BRD2: variants seen among roughly 807,000 people sequenced by gnomAD.
BRD2 encodes bromodomain-containing protein 2.
A neutral mutation model predicts 79.1 loss-of-function variants in BRD2; 15 were observed. That is an observed-to-expected ratio of 0.19 (90% CI 0.13 to 0.29). The LOEUF (loss-of-function observed/expected upper bound fraction) is 0.29. Among genes scored for constraint, BRD2 ranks in the 10% least tolerant of loss-of-function variants. The pLI is 1.00. For missense variants in BRD2, 1,053 were observed against 991.3 expected (o/e 1.06, Z -0.84); for synonymous variants, 488 against 358.6 (o/e 1.36, Z -4.08).
intron 12 of BRD2, 57 bp downstream of exon 12, chr6:32,980,521 C>T (rs1779387206): frequency 6.2e-7 from 1 of 1,612,362 alleles, no homozygotes; most frequent in Admixed American, 1.7e-5. Flanking sequence ...TCTTGACTGT[C>T]TTTTATTGAC....
rs755756621 is a variant in BRD2 at position 32,980,344 on chromosome 6, A to G, written c.2149A>G (p.Ile717Val). 13 of 1,612,816 alleles carry G rather than the reference A, an allele frequency of 8.1e-6. 1 individual carries two copies. The South Asian group carries it at 9.9e-5, about 12-fold the overall frequency. The change falls in exon 12 of 13, where the codon ATT becomes GTT. Residue 717 changes from isoleucine (I) to valine (V), a missense_variant and splice_region_variant. Ile to Val is a conservative substitution (Grantham distance 29). Transcript: ENST00000374825. Reference sequence around the variant, plus strand: ...TCCTGATAAATTTCTTTCATTAGCCATTAAGAAGCCTGTGGGAAAGACAAA... The same window carrying G: ...TCCTGATAAATTTCTTTCATTAGCCGTTAAGAAGCCTGTGGGAAAGACAAA... ...LRKKPRKPYT[I>V]KKPVGKTKEE... is the part of the protein sequence containing the mutation.
Position 32,972,423 on chromosome 6 carries a change from C to T in BRD2, c.-476C>T, listed in dbSNP as rs1252053878. ...CCGCCCAATCCTCGGAGTCTGTCCACCCCCTCTACTCCGCCCTCAAGAGGA... is the reference window on the plus strand; with the variant it reads ...CCGCCCAATCCTCGGAGTCTGTCCATCCCCTCTACTCCGCCCTCAAGAGGA... On this transcript the variant is annotated 5_prime_UTR_variant, in exon 2 of 13. Coordinates refer to ENST00000374825, the MANE Select transcript of BRD2 (RefSeq NM_005104.4). 4 of 302,278 alleles carry T rather than the reference C, an allele frequency of 1.3e-5. No homozygotes were observed. The highest frequency in any genetic ancestry group is 2.5e-5 in the Non-Finnish European group (4 of 157,734). 18.7% of individuals were successfully genotyped at this position (302,278 alleles called of 1,614,324 possible).
chr6:32,969,484 C>T, intron 1 of BRD2: 1 of 598,380 alleles, frequency 1.7e-6, no homozygotes, highest in East Asian at 2.8e-5. Flanking sequence ...TGAGGTTGTT[C>T]CCAGGCGCCA....
chr6:32,976,260 C>T lies in BRD2; in HGVS notation c.621C>T (p.Gly207=), dbSNP rs186277039. 735 of 1,612,916 alleles carry T rather than the reference C, an allele frequency of 4.6e-4. No individual in the cohort carries two copies. In the East Asian group the frequency reaches 0.015, roughly 32 times the overall value. Reference sequence around the variant, plus strand: ...TTTCCTTTTTTCTAGCGCTCCAGGGCAGTGTTACCAGTGCCCATCAGGTGC... The same window carrying T: ...TTTCCTTTTTTCTAGCGCTCCAGGGTAGTGTTACCAGTGCCCATCAGGTGC... ...KKGAKLAALQ[G]SVTSAHQVPA... is the part of the protein sequence containing the mutation. The change falls in exon 6 of 13, where the codon GGC becomes GGT. Residue 207 remains glycine, a synonymous_variant. Coordinates refer to ENST00000374825, the MANE Select transcript of BRD2 (RefSeq NM_005104.4).
intron 2 of BRD2, among the ~76,000 whole-genome samples, chr6:32,973,808 A>G (rs982423469): frequency 2.0e-5 from 3 of 151,750 alleles, no homozygotes; most frequent in Non-Finnish European, 2.9e-5. Context: ...GGTGCGAATA[A>G]TTTTGAGGGC....
In BRD2 at chr6:32,972,693, C is replaced by T; in HGVS notation, c.-206C>T. The T allele has an allele frequency of 2.9e-6, 2 of 687,918 alleles. No individual in the cohort carries two copies. The highest frequency in any genetic ancestry group is 3.7e-5 in the South Asian group (2 of 54,258). 42.6% of individuals were successfully genotyped at this position (687,918 alleles called of 1,614,324 possible). On this transcript the variant is annotated 5_prime_UTR_variant, in exon 2 of 13. Coordinates refer to ENST00000374825, the MANE Select transcript of BRD2 (RefSeq NM_005104.4). ...CCATTTTCTTGCTGTCCGCCGTCTG[C>T]AGAGCGCGCCAAGCTGCCCGGAGCT...
chr6:32,969,855 A>G (rs1216750062), intron 1 of BRD2, among the ~76,000 whole-genome samples: 4 of 152,136 alleles, frequency 2.6e-5, no homozygotes, highest in Non-Finnish European at 5.9e-5. Context: ...GGGTTTCTCC[A>G]GGGTGGCCTC....
intron 3 of BRD2, 73 bp from the exon 4 acceptor site, chr6:32,975,307 TGTGA>T (rs1554143975): frequency 7.6e-5 from 88 of 1,152,682 alleles, no homozygotes; most frequent in Non-Finnish European, 8.0e-5. Context: ...TGTGTGTGTG[TGTGA>T]GAGTCGGGGA....
chr6:32,972,743 C>T lies in BRD2; in HGVS notation c.-156C>T, dbSNP rs990819868. The T allele has an allele frequency of 6.9e-6, 8 of 1,161,628 alleles. No homozygotes were observed. The highest frequency in any genetic ancestry group is 1.0e-5 in the Non-Finnish European group (8 of 802,014). 72.0% of individuals were successfully genotyped at this position (1,161,628 alleles called of 1,614,324 possible). ...TCTCCGAGAGGCCCCAAAGAGACTGCTTTCGTGCCGGCCAGGCAGGGGGTT... is the reference window on the plus strand; with the variant it reads ...TCTCCGAGAGGCCCCAAAGAGACTGTTTTCGTGCCGGCCAGGCAGGGGGTT... On this transcript the variant is annotated 5_prime_UTR_variant, in exon 2 of 13. Transcript: ENST00000374825.
intron 2 of BRD2, 132 bp downstream of exon 2, chr6:32,973,059 G>A: frequency 6.3e-7 from 1 of 1,599,366 alleles, no homozygotes; most frequent in Non-Finnish European, 8.5e-7. Flanking sequence ...ACTCGGTCGC[G>A]CGGAGGGAAT....
Position 32,978,327 on chromosome 6 carries a change from G to A in BRD2, c.1780G>A (p.Gly594Arg), listed in dbSNP as rs774307368. The change falls in exon 10 of 13, where the codon GGG (glycine) becomes AGG (arginine). Residue 594 changes from glycine to arginine, a missense_variant. This residue lies in a region of BRD2 where 454 missense variants were observed against 430.5 expected (regional missense o/e 1.05). Coordinates refer to ENST00000374825, the MANE Select transcript of BRD2 (RefSeq NM_005104.4). ...PKKSKKASGS[G>R]GGSAALGPSG... is the part of the protein sequence containing the mutation. The stretch of plus-strand genomic sequence containing the variant: ...GAAGTCCAAGAAAGCAAGTGGCAGT[G>A]GGGGTGGCAGTGCTGCTTTAGGCCC... 5.0e-6 allele frequency: 8 copies of A among 1,613,006 alleles called. No individual in the cohort carries two copies. Among genetic ancestry groups the A allele is most frequent in the East Asian group, 2.2e-5 (1 of 44,884 alleles).
At chr6:32,975,309 T>TGTGAGA (rs151209418) in intron 3 of BRD2, 75 bp from the exon 4 acceptor site, 11 of 1,030,240 alleles carry the variant, frequency 1.1e-5, no homozygotes, top group Non-Finnish European at 1.4e-5. Context: ...TGTGTGTGTG[T>TGTGAGA]GAGAGTCGGG....
At chr6:32,969,784 C>A (rs1302869933) in intron 1 of BRD2, among the ~76,000 whole-genome samples, 1 of 152,154 alleles carries the variant, frequency 6.6e-6, no homozygotes, top group African/African-American at 2.4e-5. Flanking sequence ...GTCTAGACAG[C>A]ATGGTCTGAG....
In BRD2 at chr6:32,974,605, C is replaced by G. The variant is rs779835550; in HGVS notation, c.173C>G (p.Pro58Arg). Reference sequence around the variant, plus strand: ...TCGGTGCCTGCTTTGCAACTTACCCCTGCCAACCCACCACCCCCGGAGGTG... The same window carrying G: ...TCGGTGCCTGCTTTGCAACTTACCCGTGCCAACCCACCACCCCCGGAGGTG... ...MASVPALQLTPANPPPPEVSN... is the reference protein window; with the variant it reads ...MASVPALQLTRANPPPPEVSN... Residue 58 changes from proline (P) to arginine (R), a missense_variant, in exon 3 of 13, where the codon CCT becomes CGT. Pro to Arg is a moderately radical substitution (Grantham distance 103). Transcript: ENST00000374825. The G allele has an allele frequency of 3.1e-6, 5 of 1,614,136 alleles. No individual in the cohort carries two copies. The highest frequency in any genetic ancestry group is 4.2e-6 in the Non-Finnish European group (5 of 1,180,054).
In BRD2 at chr6:32,977,776, A is replaced by G; in HGVS notation, c.1349A>G (p.Tyr450Cys). The change falls in exon 9 of 13, where the codon TAT (tyrosine) becomes TGT (cysteine). Residue 450 changes from tyrosine to cysteine, a missense_variant. By Grantham distance (194) the Tyr-to-Cys change is radical. This residue lies in a region of BRD2 where 454 missense variants were observed against 430.5 expected (regional missense o/e 1.05). Transcript: ENST00000374825. ...TTGTAGGATGTATTTGAGTTCCGTT[A>G]TGCCAAGATGCCAGATGAACCACTA... ...RKLQDVFEFR[Y>C]AKMPDEPLEP... 1 of 1,613,090 alleles carries G rather than the reference A, an allele frequency of 6.2e-7. No homozygotes were observed. The highest frequency in any genetic ancestry group is 1.1e-5 in the South Asian group (1 of 91,086).
intron 3 of BRD2, 46 bp from the exon 4 acceptor site, chr6:32,975,338 A>G (rs1357692087): frequency 2.0e-6 from 3 of 1,502,808 alleles, no homozygotes; most frequent in Non-Finnish European, 2.7e-6. Context: ...GTCTCCCTAT[A>G]AGCATTTATT....
At chr6:32,974,973 C>G (rs577935144) in intron 3 of BRD2, 1 of 1,471,744 alleles carries the variant, frequency 6.8e-7, no homozygotes, top group South Asian at 1.2e-5. Context: ...TTCCTTGTGC[C>G]CTCCATGTGT....
At chr6:32,973,276 T>G in intron 2 of BRD2, 1 of 950,258 alleles carries the variant, frequency 1.1e-6, no homozygotes, top group Non-Finnish European at 1.5e-6. Flanking sequence ...GTTAGCCTTT[T>G]AGGGGGGATT....
In BRD2 at chr6:32,980,447, A is replaced by AT. The variant is rs1561962934; in HGVS notation, c.2252_2253insT (p.Lys751AsnfsTer9). On this transcript the variant is annotated frameshift_variant, in exon 12 of 13. Coordinates refer to ENST00000374825, the MANE Select transcript of BRD2 (RefSeq NM_005104.4). LOFTEE classifies it high-confidence loss of function. ...GTCAGCGGACAGCTCAATTCTACTAAAAAGCCCCCCAAGAAAGGTGAGTAT... is the reference window on the plus strand; with the variant it reads ...GTCAGCGGACAGCTCAATTCTACTAATAAAGCCCCCCAAGAAAGGTGAGTAT... The AT allele has an allele frequency of 6.2e-7, 1 of 1,612,986 alleles. No individual in the cohort carries two copies. Among genetic ancestry groups the AT allele is most frequent in the Non-Finnish European group, 8.5e-7 (1 of 1,180,006 alleles).
Sources: gnomAD v4.1 joint callset for allele counts (sites outside exome capture counted in the v4.1 genomes callset) on GRCh38, gnomAD v4.1.1 for gene constraint, gnomAD v4.1.1 regional missense constraint, MANE v1.5 for transcripts, NCBI Gene and HGNC (gene_info 2026-07-23, HGNC 2026-07-21) for gene names.